ASXL3: variants seen among roughly 807,000 people sequenced by gnomAD.
The protein encoded by ASXL3 is ASXL transcriptional regulator 3.
Under a neutral mutation model 170.6 loss-of-function variants are expected in ASXL3, and 34 were observed. The ratio of observed to expected loss-of-function variants is 0.20; its 90% CI spans 0.15 to 0.27. ASXL3 has a LOEUF of 0.27. ASXL3 is among the 10% of genes least tolerant of loss of function. The pLI is 1.00. For missense variants in ASXL3, 2,592 were observed against 2,695.3 expected (o/e 0.96, Z 0.85); for synonymous variants, 1,002 against 989.1 (o/e 1.01, Z -0.24).
chr18:33,694,105 A>G lies in ASXL3; in HGVS notation c.879+10537A>G, dbSNP rs1313699597. 2.0e-5 allele frequency among the ~76,000 whole-genome samples: 3 copies of G among 152,142 alleles called. No homozygotes were observed. The East Asian group carries it at 5.8e-4, about 29-fold the overall frequency. On this transcript the variant is annotated intron_variant, in intron 8 of 11. Transcript: ENST00000269197. The stretch of plus-strand genomic sequence containing the variant: ...AGAGATGAAATACAGAGAAACCAAG[A>G]AGTCAGAGCAGGATTGGTCAGTGGT...
chr18:33,699,116 A>G (rs1443154216), intron 8 of ASXL3, among the ~76,000 whole-genome samples: 1 of 152,306 alleles, frequency 6.6e-6, no homozygotes, highest in East Asian at 1.9e-4. Flanking sequence ...AGAGAGACAC[A>G]GAGAGGGAGA....
chr18:33,650,782 A>G (rs1445013458), intron 4 of ASXL3, among the ~76,000 whole-genome samples: 2 of 152,138 alleles, frequency 1.3e-5, no homozygotes, highest in Admixed American at 1.3e-4. Context: ...GAAAGCAGTG[A>G]AAGAATAGTA....
intron 5 of ASXL3, among the ~76,000 whole-genome samples, chr18:33,668,262 C>T (rs549228861): frequency 3.1e-4 from 47 of 151,908 alleles, no homozygotes; most frequent in African/African-American, 1.1e-3. Context: ...CCTGTCTCTA[C>T]TAAAAACAAA....
intron 2 of ASXL3, among the ~76,000 whole-genome samples, chr18:33,635,606 C>T (rs570766994): frequency 1.3e-5 from 2 of 152,148 alleles, no homozygotes; most frequent in African/African-American, 2.4e-5. Flanking sequence ...ATTTCTATGA[C>T]CAAGTAGATA....
intron 2 of ASXL3, among the ~76,000 whole-genome samples, chr18:33,609,443 A>G (rs1781644598): frequency 6.6e-6 from 1 of 152,018 alleles, no homozygotes; most frequent in African/African-American, 2.4e-5. Context: ...AGCTAGAGAT[A>G]TAAAAATCCC....
intron 8 of ASXL3, among the ~76,000 whole-genome samples, chr18:33,687,184 T>C (rs975163246): frequency 2.6e-5 from 4 of 152,196 alleles, no homozygotes; most frequent in African/African-American, 9.7e-5. Context: ...GCAAGAAATT[T>C]AGAGCTAGTA....
Position 33,671,757 on chromosome 18 carries a change from TA to T in ASXL3, c.611del (p.Asn204MetfsTer11). 1.2e-6 allele frequency: 2 copies of T among 1,604,590 alleles called. No homozygotes were observed. The highest frequency in any genetic ancestry group is 1.7e-6 in the Non-Finnish European group (2 of 1,175,620). On this transcript the variant is annotated frameshift_variant, in exon 7 of 12. Coordinates refer to ENST00000269197, the MANE Select transcript of ASXL3 (RefSeq NM_030632.3). LOFTEE classifies it high-confidence loss of function. ...TATTTCCTTTTTTAGGATCTGAATCTAAAAATGGTGAAGCAGACAGTTCAGA... is the reference window on the plus strand; with the variant it reads ...TATTTCCTTTTTTAGGATCTGAATCTAAAATGGTGAAGCAGACAGTTCAGA... ...QSDSPSGSES[K>X]NGEADSSDKE...
rs1289448546 is a variant in ASXL3, at chr18:33,750,445, C to T, written c.*3850C>T. The T allele has an allele frequency of 1.3e-5, 2 of 151,634 alleles. No homozygotes were observed. Among genetic ancestry groups the T allele is most frequent in the African/African-American group, 2.4e-5 (1 of 41,268 alleles). 9.4% of individuals were successfully genotyped at this position (151,634 alleles called of 1,614,324 possible). The stretch of plus-strand genomic sequence containing the variant: ...GTTCTTGAATGTTTCAAAGAAAGTG[C>T]TTTACTTGGTTGCCATAATTTTCTT... On this transcript the variant is annotated 3_prime_UTR_variant, in exon 12 of 12. Coordinates refer to ENST00000269197, the MANE Select transcript of ASXL3 (RefSeq NM_030632.3).
Position 33,739,966 on chromosome 18 carries a change from A to G in ASXL3, c.2562A>G (p.Glu854=). 1.9e-6 allele frequency: 3 copies of G among 1,613,956 alleles called. No homozygotes were observed. The highest frequency in any genetic ancestry group is 2.5e-6 in the Non-Finnish European group (3 of 1,179,860). The change falls in exon 11 of 12, where the codon GAA becomes GAG. Residue 854 remains glutamate, a synonymous_variant. Coordinates refer to ENST00000269197, the MANE Select transcript of ASXL3 (RefSeq NM_030632.3). ...AGCCCTACCCTGCTTCAATTCCAGA[A>G]CTTGCTTCTACTGAAATGATAAAAG... ...TEKPYPASIP[E]LASTEMIKVK...
rs1216572484 is a variant in ASXL3, at chr18:33,744,262, A to G, written c.4414A>G (p.Lys1472Glu). The G allele has an allele frequency of 1.2e-6, 2 of 1,614,032 alleles. No individual in the cohort carries two copies. Among genetic ancestry groups the G allele is most frequent in the South Asian group, 1.1e-5 (1 of 91,084 alleles). The change falls in exon 12 of 12, where the codon AAA becomes GAA. Residue 1472 changes from lysine (K) to glutamate (E), a missense_variant. Physicochemically the swap from Lys to Glu is moderately conservative, Grantham distance 56 (BLOSUM62 1). Transcript: ENST00000269197. ...AGCCATAAACCGATCAATTCCGTGTAAAGTCATCGTTGACCACAGCACCAC... is the reference window on the plus strand; with the variant it reads ...AGCCATAAACCGATCAATTCCGTGTGAAGTCATCGTTGACCACAGCACCAC... ...PAAINRSIPC[K>E]VIVDHSTTLT...
chr18:33,668,427 CAAA>C (rs11288492), intron 5 of ASXL3, among the ~76,000 whole-genome samples: 9 of 115,918 alleles, frequency 7.8e-5, no homozygotes, highest in African/African-American at 9.2e-5. Context: ...GACTCCATCT[CAAA>C]AAAAAAAAAA....
chr18:33,653,785 G>T (rs1490202841), intron 4 of ASXL3, among the ~76,000 whole-genome samples: 1 of 151,852 alleles, frequency 6.6e-6, no homozygotes, highest in African/African-American at 2.4e-5. Context: ...TTCTCCCTGT[G>T]TTCTTGATAA....
In ASXL3 at chr18:33,607,118, CCTGTATG is replaced by C. The variant is rs539240394; in HGVS notation, c.55-473_55-467del. On this transcript the variant is annotated intron_variant, in intron 1 of 11. Coordinates refer to ENST00000269197, the MANE Select transcript of ASXL3 (RefSeq NM_030632.3). ...CACACTGTAATGAGTTACTTGGGTT[CCTGTATG>C]CTTCTTTCAACATTTTGGCCGTGAA... is the stretch of plus-strand genomic sequence containing the variant. 8.6e-5 allele frequency among the ~76,000 whole-genome samples: 13 copies of C among 152,030 alleles called. No individual in the cohort carries two copies. The South Asian group carries it at 2.7e-3, about 32-fold the overall frequency.
chr18:33,611,047 C>T (rs2145130921), intron 2 of ASXL3, among the ~76,000 whole-genome samples: 1 of 152,150 alleles, frequency 6.6e-6, no homozygotes, highest in African/African-American at 2.4e-5. Flanking sequence ...ATATATGTTA[C>T]TGTTATTTGA....
chr18:33,648,582 A>G (rs975296733), intron 4 of ASXL3, among the ~76,000 whole-genome samples: 1 of 152,080 alleles, frequency 6.6e-6, no homozygotes. Context: ...TATCTGTCTG[A>G]AAATTATGGG....
intron 2 of ASXL3, among the ~76,000 whole-genome samples, chr18:33,625,160 CGTT>C (rs1368889753): frequency 1.3e-5 from 2 of 151,976 alleles, no homozygotes; most frequent in Admixed American, 6.6e-5. Context: ...GTATCATTAT[CGTT>C]GTTTTTTTAA....
Position 33,745,752 on chromosome 18 carries a change from A to G in ASXL3, c.5904A>G (p.Glu1968=), listed in dbSNP as rs1219134627. Reference sequence around the variant, plus strand: ...CATTTGCCTTCAACAGGCATCTTGAACAGAAGGGATTGGGAGAGGTTAGTC... The same window carrying G: ...CATTTGCCTTCAACAGGCATCTTGAGCAGAAGGGATTGGGAGAGGTTAGTC... The part of the protein sequence containing the change: ...CNAFAFNRHL[E]QKGLGEVSLS... The change falls in exon 12 of 12, where the codon GAA becomes GAG. Residue 1968 remains glutamate (E), a synonymous_variant. Coordinates refer to ENST00000269197, the MANE Select transcript of ASXL3 (RefSeq NM_030632.3). 8.7e-6 allele frequency: 14 copies of G among 1,614,000 alleles called. No individual in the cohort carries two copies. The highest frequency in any genetic ancestry group is 1.1e-5 in the Non-Finnish European group (13 of 1,179,888).
Position 33,746,557 on chromosome 18 carries a change from C to A in ASXL3, c.6709C>A (p.Pro2237Thr). 6.3e-7 allele frequency: 1 copy of A among 1,599,800 alleles called. No homozygotes were observed. The highest frequency in any genetic ancestry group is 8.5e-7 in the Non-Finnish European group (1 of 1,169,952). The change falls in exon 12 of 12, where the codon CCT (proline) becomes ACT (threonine). Residue 2237 changes from proline (P) to threonine (T), a missense_variant. Around this residue, in one of 4 missense-constraint regions of ASXL3, gnomAD observed 22 missense variants for 51.1 expected, o/e 0.43. Transcript: ENST00000269197. ...CTTCTGCCATGACGACTGCATAGGTCCTTCAAAACTTTGTGTAGCATGCCT... is the reference window on the plus strand; with the variant it reads ...CTTCTGCCATGACGACTGCATAGGTACTTCAAAACTTTGTGTAGCATGCCT... ...GAFCHDDCIG[P>T]SKLCVACLVV...
chr18:33,676,959 A>C (rs573962504), intron 7 of ASXL3, among the ~76,000 whole-genome samples: 1 of 152,322 alleles, frequency 6.6e-6, no homozygotes, highest in East Asian at 1.9e-4. Flanking sequence ...GATATCTTAC[A>C]ATTTTCTCTA....
Sources: gnomAD v4.1 joint callset for allele counts (sites outside exome capture counted in the v4.1 genomes callset) on GRCh38, gnomAD v4.1.1 for gene constraint, gnomAD v4.1.1 regional missense constraint, MANE v1.5 for transcripts, NCBI Gene and HGNC (gene_info 2026-07-23, HGNC 2026-07-21) for gene names.